CLIP4: variants seen among roughly 807,000 people sequenced by gnomAD.
CLIP4 encodes the protein CAP-Gly domain containing linker protein family member 4, also known as CAP-Gly domain-containing linker protein 4.
Under a neutral mutation model 73.1 loss-of-function variants are expected in CLIP4, and 47 were observed. That is an observed-to-expected ratio of 0.64 (90% CI 0.51 to 0.82). The LOEUF (loss-of-function observed/expected upper bound fraction) is 0.82. Ranked by LOEUF, CLIP4 falls within the 40% of genes least tolerant of loss-of-function variation. The pLI is 0.00. For missense variants in CLIP4, 874 were observed against 852.9 expected (o/e 1.02, Z -0.31); for synonymous variants, 306 against 295.4 (o/e 1.04, Z -0.37).
At chr2:29,102,592 A>G (rs536638226) in intron 1 of CLIP4, among the ~76,000 whole-genome samples, 1 of 151,052 alleles carries the variant, frequency 6.6e-6, no homozygotes, top group Non-Finnish European at 1.5e-5. Context: ...AAGGTGTCTC[A>G]TCCCTTCTCT....
intron 15 of CLIP4, among the ~76,000 whole-genome samples, chr2:29,179,395 C>G (rs1466456254): frequency 6.6e-6 from 1 of 152,196 alleles, no homozygotes; most frequent in Non-Finnish European, 1.5e-5. Flanking sequence ...AACCTTGCCT[C>G]ATTATTTTTC....
At chr2:29,159,845 A>G (rs1667174513) in intron 11 of CLIP4, among the ~76,000 whole-genome samples, 1 of 152,248 alleles carries the variant, frequency 6.6e-6, no homozygotes, top group Non-Finnish European at 1.5e-5. Flanking sequence ...TTGTTTTTGT[A>G]AATAAAGTTC....
intron 2 of CLIP4, 91 bp downstream of exon 2, chr2:29,121,612 ATTTT>A: frequency 7.1e-7 from 1 of 1,401,072 alleles, no homozygotes. Context: ...TCTTAGAACC[ATTTT>A]TATGGTTTTC....
At chr2:29,144,450 C>T (rs1666004369) in intron 7 of CLIP4, among the ~76,000 whole-genome samples, 1 of 152,120 alleles carries the variant, frequency 6.6e-6, no homozygotes, top group Admixed American at 6.5e-5. Flanking sequence ...TTTTTTCCTC[C>T]CAAGCTTTTG....
rs1484094879 is a variant in CLIP4 at position 29,115,598 on chromosome 2, CCT to C, written c.-79_-78del. 2 of 147,562 alleles carry C rather than the reference CCT, an allele frequency of 1.4e-5. No individual in the cohort carries two copies. Among genetic ancestry groups the C allele is most frequent in the East Asian group, 3.9e-4 (2 of 5,084 alleles). 9.1% of individuals were successfully genotyped at this position (147,562 alleles called of 1,614,324 possible). On this transcript the variant is annotated 5_prime_UTR_variant, in exon 1 of 16. Coordinates refer to ENST00000320081, the MANE Select transcript of CLIP4 (RefSeq NM_024692.6). The surrounding 1 kb of genome is among the most constrained non-coding windows in gnomAD (Gnocchi z 5.1). ...GGGAGACAGCGCCGGCGGGAGCGCG[CCT>C]CTCGGCCTTTCCTCCGCGCCCCCGC...
intron 1 of CLIP4, among the ~76,000 whole-genome samples, chr2:29,102,146 G>A (rs1334283321): frequency 6.6e-6 from 1 of 152,122 alleles, no homozygotes; most frequent in African/African-American, 2.4e-5. Context: ...AAAGCAATGA[G>A]GGAACTGAAT....
At chr2:29,134,967 G>GT (rs1016053144) in intron 5 of CLIP4, among the ~76,000 whole-genome samples, 55 of 151,438 alleles carry the variant, frequency 3.6e-4, no homozygotes, top group African/African-American at 1.1e-3. Flanking sequence ...GGTATTGGCC[G>GT]TTTTTTTTCT....
chr2:29,145,133 A>C, intron 7 of CLIP4, 99 bp from the exon 8 acceptor site: 1 of 1,011,176 alleles, frequency 9.9e-7, no homozygotes, highest in Non-Finnish European at 1.4e-6. Context: ...TGAGAGAGTG[A>C]ATTTTTAAAA....
chr2:29,179,146 A>G (rs1044965570), intron 15 of CLIP4, among the ~76,000 whole-genome samples: 4 of 152,220 alleles, frequency 2.6e-5, no homozygotes, highest in African/African-American at 7.2e-5. Flanking sequence ...TTATTTTAAT[A>G]TAGAGGAGTG....
intron 9 of CLIP4, among the ~76,000 whole-genome samples, chr2:29,155,671 C>A (rs539212795): frequency 6.6e-6 from 1 of 152,142 alleles, no homozygotes; most frequent in South Asian, 2.1e-4. Flanking sequence ...CACAAAATGT[C>A]TCCTCTCCAC....
intron 8 of CLIP4, among the ~76,000 whole-genome samples, chr2:29,147,738 A>G (rs1379322151): frequency 1.3e-5 from 2 of 152,150 alleles, no homozygotes; most frequent in Non-Finnish European, 1.5e-5. Context: ...TTCAACATAC[A>G]CAATAAATTG....
chr2:29,117,190 C>A (rs892946055), intron 1 of CLIP4, among the ~76,000 whole-genome samples: 1 of 152,132 alleles, frequency 6.6e-6, no homozygotes, highest in African/African-American at 2.4e-5. Flanking sequence ...GAAGAGCTTT[C>A]GGAGACCAGA....
intron 3 of CLIP4, chr2:29,131,600 C>T (rs1209642421): frequency 6.6e-6 from 3 of 457,206 alleles, no homozygotes; most frequent in African/African-American, 2.1e-5. Context: ...GTACTTCTGA[C>T]ATTTGTAGAC....
In CLIP4 at chr2:29,129,973, A is replaced by G. The variant is rs190797611; in HGVS notation, c.134-1285A>G. Reference sequence around the variant, plus strand: ...CTTAACTATTAAGGATTCTTTTTTCAGCAGCTGCTCTGGAACACAGGGAAT... The same window carrying G: ...CTTAACTATTAAGGATTCTTTTTTCGGCAGCTGCTCTGGAACACAGGGAAT... On this transcript the variant is annotated intron_variant, in intron 2 of 15. Coordinates refer to ENST00000320081, the MANE Select transcript of CLIP4 (RefSeq NM_024692.6). 3,119 of 470,812 alleles carry G rather than the reference A, an allele frequency of 6.6e-3. 14 individuals carry two copies. The highest frequency in any genetic ancestry group is 0.011 in the Non-Finnish European group (2,463 of 226,900). The allele number at this position is 470,812 out of a possible 1,614,324, so 29.2% of individuals were successfully genotyped here. A position where few individuals can be genotyped will look rare whatever the true frequency, so the allele number is the denominator to read the frequency against.
intron 4 of CLIP4, 83 bp downstream of exon 4, chr2:29,132,328 T>TG (rs138906439): frequency 1.5e-5 from 17 of 1,119,142 alleles, no homozygotes; most frequent in Non-Finnish European, 6.7e-6. Flanking sequence ...ATATATTGTC[T>TG]GGGGGAAGGC....
chr2:29,174,240 C>G, intron 14 of CLIP4, 133 bp from the exon 15 acceptor site: 1 of 795,262 alleles, frequency 1.3e-6, no homozygotes, highest in South Asian at 1.8e-5. Context: ...GTGTGAGCCA[C>G]CATGCCAGCC....
At chr2:29,113,681 GAAC>G (rs1406050361), upstream of CLIP4, among the ~76,000 whole-genome samples, 5 of 152,268 alleles carry the variant, frequency 3.3e-5, no homozygotes, top group East Asian at 9.7e-4. This position sits in a 1 kb window ranked among gnomAD's most constrained non-coding sequence, Gnocchi z 4.0. Flanking sequence ...TTATAACTAA[GAAC>G]AACTGAGCTA....
chr2:29,142,041 C>T (rs116746503), intron 6 of CLIP4, among the ~76,000 whole-genome samples: 676 of 152,092 alleles, frequency 4.4e-3, no homozygotes, highest in African/African-American at 9.0e-3. Context: ...TTCCTGTTGT[C>T]GTGTTGTTAG....
chr2:29,148,961 A>C (rs975033840), intron 8 of CLIP4, among the ~76,000 whole-genome samples: 2 of 152,124 alleles, frequency 1.3e-5, no homozygotes, highest in Non-Finnish European at 2.9e-5. Flanking sequence ...GGGATGAGGA[A>C]AGTTAGATTG....
Sources: allele counts gnomAD v4.1 joint callset (sites outside exome capture counted in the v4.1 genomes callset), GRCh38; gene constraint gnomAD v4.1.1; non-coding constraint Gnocchi (gnomAD v3.1); transcripts MANE v1.5; gene names NCBI Gene and HGNC (gene_info 2026-07-23, HGNC 2026-07-21).